Variants in CNGA1 observed in about 807,000 individuals in gnomAD.
CNGA1 encodes cyclic nucleotide gated channel subunit alpha 1.
CNGA1 carries 53 observed loss-of-function variants against 69.7 expected under a neutral mutation model. That is an observed-to-expected ratio of 0.76 (90% confidence interval 0.61 to 0.96). The LOEUF (loss-of-function observed/expected upper bound fraction) is 0.96. Ranked by LOEUF, CNGA1 falls within the 40% of genes least tolerant of loss-of-function variation. CNGA1 has a pLI of 0.00. For synonymous variants in CNGA1, 249 were observed against 283.5 expected, an observed-to-expected ratio of 0.88 and a Z score of 1.22; for missense variants, 739 against 811.2, an observed-to-expected ratio of 0.91 and a Z score of 1.08.
chr4:47,985,803 C>G (rs1221710329), intron 2 of CNGA1, among the ~76,000 whole-genome samples: 2 of 151,144 alleles, frequency 1.3e-5, no homozygotes, highest in Admixed American at 1.3e-4. Flanking sequence ...CTAAATATTA[C>G]GGATTCCTGG....
chr4:47,978,539 G>C (rs1741535461), intron 3 of CNGA1, among the ~76,000 whole-genome samples: 2 of 151,928 alleles, frequency 1.3e-5, no homozygotes, highest in Admixed American at 1.3e-4. Context: ...TATTTATTTT[G>C]TAGCCTATCA....
chr4:47,998,514 C>T (rs1714503433), intron 2 of CNGA1, among the ~76,000 whole-genome samples: 1 of 152,136 alleles, frequency 6.6e-6, no homozygotes, highest in Non-Finnish European at 1.5e-5. Flanking sequence ...GTGGCTCATG[C>T]CTTTAATCCC....
At chr4:47,985,754 TC>T (rs1294273269) in intron 2 of CNGA1, among the ~76,000 whole-genome samples, 1 of 144,710 alleles carries the variant, frequency 6.9e-6, no homozygotes, top group Non-Finnish European at 1.5e-5. Context: ...TCGTCTATCT[TC>T]CCCCACCCCC....
In CNGA1 at chr4:47,945,462, A is replaced by G. The variant is rs138666474; in HGVS notation, c.288-2050T>C. On this transcript the variant is annotated intron_variant, in intron 6 of 10. Transcript: ENST00000514170. ...GGGGGAAAAAAGAATACTTAGATAC[A>G]TTGAAGACTGTTTGGCACAGGATCC... Among the ~76,000 whole-genome samples the G allele has an allele frequency of 5.4e-3, 821 of 152,300 alleles. 4 individuals carry two copies. Among genetic ancestry groups the G allele is most frequent in the African/African-American group, 0.019 (771 of 41,554 alleles).
At chr4:48,005,332 G>A (rs1276688051) in intron 2 of CNGA1, among the ~76,000 whole-genome samples, 1 of 152,000 alleles carries the variant, frequency 6.6e-6, no homozygotes, top group Non-Finnish European at 1.5e-5. Context: ...TGGCCAGGCT[G>A]GTCTCGAACT....
At chr4:48,003,586 AAT>A (rs568584130) in intron 2 of CNGA1, among the ~76,000 whole-genome samples, 41 of 152,330 alleles carry the variant, frequency 2.7e-4, no homozygotes, top group African/African-American at 9.9e-4. Context: ...ATTATATATG[AAT>A]ATTATTAATC....
intron 2 of CNGA1, among the ~76,000 whole-genome samples, chr4:47,999,494 C>T (rs955000215): frequency 5.3e-5 from 8 of 152,126 alleles, no homozygotes; most frequent in Non-Finnish European, 8.8e-5. Context: ...TCAGAAATTA[C>T]TAGACACATA....
At chr4:47,961,153 T>C (rs1740412120) in intron 3 of CNGA1, among the ~76,000 whole-genome samples, 1 of 152,240 alleles carries the variant, frequency 6.6e-6, no homozygotes, top group Non-Finnish European at 1.5e-5. Flanking sequence ...TCCTTTTCTT[T>C]GTAAATTGCC....
At chr4:47,939,347 T>C (rs1224463742) in intron 10 of CNGA1, among the ~76,000 whole-genome samples, 1 of 152,218 alleles carries the variant, frequency 6.6e-6, no homozygotes, top group Non-Finnish European at 1.5e-5. Flanking sequence ...CCCAATTCCA[T>C]GGGGACAAAA....
intron 1 of CNGA1, among the ~76,000 whole-genome samples, chr4:48,016,267 C>G (rs1181447119): frequency 6.6e-6 from 1 of 152,140 alleles, no homozygotes; most frequent in African/African-American, 2.4e-5. Context: ...GATAACAGCA[C>G]AGAAGGGCAA....
intron 3 of CNGA1, among the ~76,000 whole-genome samples, chr4:47,976,105 A>G (rs1741334648): frequency 6.7e-6 from 1 of 148,306 alleles, no homozygotes; most frequent in Non-Finnish European, 1.5e-5. Flanking sequence ...TGCATTTCCT[A>G]TATCTTAAAT....
intron 2 of CNGA1, among the ~76,000 whole-genome samples, chr4:47,986,446 GTAAT>G (rs1056532873): frequency 6.6e-6 from 1 of 150,632 alleles, no homozygotes; most frequent in African/African-American, 2.4e-5. Context: ...TTGTTTCTAA[GTAAT>G]TTATTATATA....
intron 3 of CNGA1, among the ~76,000 whole-genome samples, chr4:47,967,324 A>G (rs1390715844): frequency 6.6e-6 from 1 of 151,746 alleles, no homozygotes; most frequent in Admixed American, 6.6e-5. Flanking sequence ...AAACAAAACA[A>G]AAAAAAAGAA....
intron 9 of CNGA1, 39 bp from the exon 10 acceptor site, chr4:47,940,908 T>C (rs1446855345): frequency 1.5e-6 from 2 of 1,313,606 alleles, no homozygotes; most frequent in African/African-American, 1.5e-5. Flanking sequence ...AAAAAAGAAA[T>C]GGGGGCCAAT....
rs1429989982 is a variant in CNGA1, at chr4:47,937,242, T to C, written c.1240A>G (p.Lys414Glu). Residue 414 changes from lysine (K) to glutamate (E), a missense_variant, in exon 11 of 11, where the codon AAG becomes GAG. Transcript: ENST00000514170. Reference protein sequence around the residue: ...AEFQARIDAIKQYMHFRNVSK... With the variant: ...AEFQARIDAIEQYMHFRNVSK... ...ACATTTCGAAAATGCATATATTGCT[T>C]GATAGCATCAATTCTTGCTTGAAAT... The C allele has an allele frequency of 6.2e-7, 1 of 1,614,158 alleles. No homozygotes were observed. Among genetic ancestry groups the C allele is most frequent in the Non-Finnish European group, 8.5e-7 (1 of 1,180,044 alleles).
chr4:47,993,178 G>A (rs1742346607), intron 2 of CNGA1, among the ~76,000 whole-genome samples: 1 of 152,050 alleles, frequency 6.6e-6, no homozygotes, highest in African/African-American at 2.4e-5. Flanking sequence ...TCCTGGTTTT[G>A]GTATTAGGTT....
Position 48,013,773 on chromosome 4 carries a change from G to A in CNGA1, c.-223+2710C>T, listed in dbSNP as rs563426618. 2.3e-3 allele frequency among the ~76,000 whole-genome samples: 345 copies of A among 152,296 alleles called. 2 individuals are homozygous for A. The highest frequency in any genetic ancestry group is 7.6e-3 in the African/African-American group (315 of 41,554). On this transcript the variant is annotated intron_variant, in intron 1 of 10. Coordinates refer to ENST00000514170, the MANE Select transcript of CNGA1 (RefSeq NM_001379270.1). ...TTAAGGGAAAGGCAAGATGGAGGAT[G>A]AATTACTCAGCTTACTGTTAAAATT...
In CNGA1 at chr4:48,000,917, C is replaced by T. The variant is rs149175718; in HGVS notation, c.-123+9877G>A. Reference sequence around the variant, plus strand: ...GCAAAATACATCTTTTTCAAACAAACAAAAACTGGGAGAACTTATTGCCAG... The same window carrying T: ...GCAAAATACATCTTTTTCAAACAAATAAAAACTGGGAGAACTTATTGCCAG... On this transcript the variant is annotated intron_variant, in intron 2 of 10. Transcript: ENST00000514170. Among the ~76,000 whole-genome samples, 24 of 152,132 alleles carry T rather than the reference C, an allele frequency of 1.6e-4. No homozygotes were observed. In the East Asian group the frequency reaches 3.9e-3, roughly 24 times the overall value.
chr4:48,000,863 C>A (rs975008765), intron 2 of CNGA1, among the ~76,000 whole-genome samples: 6 of 151,900 alleles, frequency 3.9e-5, no homozygotes, highest in African/African-American at 1.5e-4. Context: ...TACTTTTGTA[C>A]CTAGGGAAAA....
Sources: gnomAD v4.1 joint callset for allele counts (sites outside exome capture counted in the v4.1 genomes callset) on GRCh38, gnomAD v4.1.1 for gene constraint, MANE v1.5 for transcripts, NCBI Gene and HGNC (gene_info 2026-07-23, HGNC 2026-07-21) for gene names.